PPP2R2B: variants seen among roughly 807,000 people sequenced by gnomAD.
The protein encoded by PPP2R2B is protein phosphatase 2 regulatory subunit Bbeta, also known as serine/threonine-protein phosphatase 2A 55 kDa regulatory subunit B beta isoform.
Under a neutral mutation model 46.0 loss-of-function variants are expected in PPP2R2B, and 5 were observed. The observed-to-expected ratio is 0.11, with a 90% CI of 0.06 to 0.23. The LOEUF (loss-of-function observed/expected upper bound fraction) is 0.23. Ranked by LOEUF, PPP2R2B falls within the 10% of genes least tolerant of loss-of-function variation. The pLI is 1.00. For synonymous variants in PPP2R2B, 215 were observed against 206.7 expected (o/e 1.04, Z -0.34); for missense variants, 367 against 575.0 (o/e 0.64, Z 3.70).
At position 147,008,759 on chromosome 5, in the gene PPP2R2B, C is replaced by T. The variant is rs150080805; in HGVS notation, c.79+46906G>A. On this transcript the variant is annotated intron_variant, in intron 1 of 8. Transcript: ENST00000336640. ...AGATGTTTGAGGGTTTCTATTCCCACACATCATCTTTGATAAGTTCTTTAC... is the reference window on the plus strand; with the variant it reads ...AGATGTTTGAGGGTTTCTATTCCCATACATCATCTTTGATAAGTTCTTTAC... Among the ~76,000 whole-genome samples, 1,125 of 152,274 alleles carry T rather than the reference C, an allele frequency of 7.4e-3. 12 individuals are homozygous for T. The highest frequency in any genetic ancestry group is 0.026 in the African/African-American group (1,076 of 41,560).
intron 1 of PPP2R2B, among the ~76,000 whole-genome samples, chr5:147,053,859 A>G (rs567094923): frequency 6.6e-6 from 1 of 152,310 alleles, no homozygotes; most frequent in African/African-American, 2.4e-5. Flanking sequence ...GTGACCTGGC[A>G]CTGCTTTCTT....
chr5:146,930,336 A>C (rs1028471053), intron 1 of PPP2R2B, among the ~76,000 whole-genome samples: 1 of 152,228 alleles, frequency 6.6e-6, no homozygotes, highest in Non-Finnish European at 1.5e-5. Context: ...TTAGATAAAA[A>C]GTCCATGTGG....
chr5:146,847,311 C>T (rs1760068998), intron 2 of PPP2R2B, among the ~76,000 whole-genome samples: 1 of 152,174 alleles, frequency 6.6e-6, no homozygotes, highest in East Asian at 1.9e-4. Flanking sequence ...GACTTACTTC[C>T]TCCTCTTGCC....
At chr5:146,647,127 C>T (rs1775630067) in intron 6 of PPP2R2B, among the ~76,000 whole-genome samples, 2 of 92,438 alleles carry the variant, frequency 2.2e-5, no homozygotes, top group Non-Finnish European at 4.9e-5. Flanking sequence ...TCACTATTTA[C>T]TTAATGCTTT....
intron 1 of PPP2R2B, among the ~76,000 whole-genome samples, chr5:146,887,023 T>C (rs908328893): frequency 3.3e-5 from 5 of 151,990 alleles, no homozygotes; most frequent in African/African-American, 1.2e-4. Flanking sequence ...CAAACCACAT[T>C]TGTAATTGTA....
chr5:146,641,786 A>T (rs1281414604), intron 6 of PPP2R2B, among the ~76,000 whole-genome samples: 3 of 152,200 alleles, frequency 2.0e-5, no homozygotes, highest in East Asian at 1.9e-4. Context: ...AGGAGAAAGA[A>T]GATGAGCAAT....
rs564447085 is a variant in PPP2R2B, at chr5:146,939,579, C to A, written c.79+116086G>T. Reference sequence around the variant, plus strand: ...AAGACAAACTTTTTGGTGGCCTAGGCTCCACTTTAAGGGGAAAATGCAACA... The same window carrying A: ...AAGACAAACTTTTTGGTGGCCTAGGATCCACTTTAAGGGGAAAATGCAACA... On this transcript the variant is annotated intron_variant, in intron 1 of 8. Coordinates refer to the PPP2R2B transcript ENST00000336640. Among the ~76,000 whole-genome samples, 80 of 152,296 alleles carry A rather than the reference C, an allele frequency of 5.3e-4. 1 individual carries two copies. The highest frequency in any genetic ancestry group is 8.3e-4 in the South Asian group (4 of 4,818).
Position 146,819,394 on chromosome 5 carries a change from G to C in PPP2R2B, c.70+58608C>G, listed in dbSNP as rs114604922. Among the ~76,000 whole-genome samples, 742 of 152,232 alleles carry C rather than the reference G, an allele frequency of 4.9e-3. 7 individuals carry two copies. The highest frequency in any genetic ancestry group is 0.017 in the African/African-American group (699 of 41,536). The stretch of plus-strand genomic sequence containing the variant: ...ATCATCTGGAGTAAATAGAACACTG[G>C]GGTGGGATGGGAGTATGCAGAGAGA... On this transcript the variant is annotated intron_variant, in intron 2 of 9. Coordinates refer to ENST00000394411, the MANE Select transcript of PPP2R2B (RefSeq NM_181675.4).
intron 7 of PPP2R2B, among the ~76,000 whole-genome samples, chr5:146,633,438 G>A (rs1774575813): frequency 6.6e-6 from 1 of 152,236 alleles, no homozygotes; most frequent in African/African-American, 2.4e-5. Flanking sequence ...AATATGAAAT[G>A]TCAGGCGAGG....
Position 146,921,423 on chromosome 5 carries a change from G to A in PPP2R2B, c.79+134242C>T, listed in dbSNP as rs116363433. ...AACAATTTCATCTCTCATGTGAGGT[G>A]GGACAGAGCAGTGGAGACATCCAGC... On this transcript the variant is annotated intron_variant, in intron 1 of 8. Transcript: ENST00000336640. Among the ~76,000 whole-genome samples, 806 of 152,300 alleles carry A rather than the reference G, an allele frequency of 5.3e-3. 4 individuals are homozygous for A. Among genetic ancestry groups the A allele is most frequent in the African/African-American group, 0.018 (762 of 41,558 alleles).
In PPP2R2B at chr5:146,728,138, C is replaced by CTTT. The variant is rs757396751; in HGVS notation, c.71-26999_71-26997dup. ...AATATGATGGCTAGGGAAACACTTA[C>CTTT]TTTTTTTTTTTTTTTTTTTTTTTTC... On this transcript the variant is annotated intron_variant, in intron 2 of 9. Coordinates refer to ENST00000394411, the MANE Select transcript of PPP2R2B (RefSeq NM_181675.4). Among the ~76,000 whole-genome samples, 341 of 82,480 alleles carry CTTT rather than the reference C, an allele frequency of 4.1e-3. 11 individuals carry two copies. Among genetic ancestry groups the CTTT allele is most frequent in the East Asian group, 9.5e-3 (25 of 2,634 alleles). 54.1% of individuals were successfully genotyped at this position (82,480 alleles called of 152,430 possible). A position where few individuals can be genotyped will look rare whatever the true frequency, so the allele number is the denominator to read the frequency against.
chr5:146,757,039 G>A (rs943498520), intron 2 of PPP2R2B, among the ~76,000 whole-genome samples: 4 of 152,130 alleles, frequency 2.6e-5, no homozygotes, highest in Non-Finnish European at 5.9e-5. Flanking sequence ...CTTGTTTTTA[G>A]GATGTGAAAG....
chr5:146,732,198 C>T (rs1156983815), intron 2 of PPP2R2B, among the ~76,000 whole-genome samples: 1 of 152,152 alleles, frequency 6.6e-6, no homozygotes, highest in East Asian at 1.9e-4. Context: ...TAAGTCACTC[C>T]ACATAGGGCT....
intron 1 of PPP2R2B, among the ~76,000 whole-genome samples, chr5:147,036,841 C>T (rs1447613908): frequency 6.6e-6 from 1 of 152,076 alleles, no homozygotes; most frequent in Non-Finnish European, 1.5e-5. Flanking sequence ...TTAGTAATGG[C>T]TTAATTTGTG....
intron 2 of PPP2R2B, among the ~76,000 whole-genome samples, chr5:146,708,003 A>G (rs1199499086): frequency 6.6e-6 from 1 of 152,166 alleles, no homozygotes; most frequent in Non-Finnish European, 1.5e-5. Context: ...TTTGTTTTCA[A>G]ACTGAATGAA....
intron 5 of PPP2R2B, among the ~76,000 whole-genome samples, chr5:146,682,529 T>C (rs1778245955): frequency 6.6e-6 from 1 of 152,188 alleles, no homozygotes; most frequent in South Asian, 2.1e-4. Context: ...TTAGTAGCTA[T>C]AGACATGAGC....
intron 2 of PPP2R2B, among the ~76,000 whole-genome samples, chr5:146,861,719 TC>T (rs1761013195): frequency 6.6e-6 from 1 of 152,310 alleles, no homozygotes; most frequent in South Asian, 2.1e-4. Context: ...GCCTGAGTTA[TC>T]AATATATTTT....
chr5:146,631,187 TG>T (rs1774402534), intron 7 of PPP2R2B, among the ~76,000 whole-genome samples: 1 of 152,180 alleles, frequency 6.6e-6, no homozygotes, highest in African/African-American at 2.4e-5. Flanking sequence ...CAGGGAGTTT[TG>T]ATCTTTCCTG....
At chr5:147,002,695 G>A (rs183613503) in intron 1 of PPP2R2B, among the ~76,000 whole-genome samples, 5 of 152,042 alleles carry the variant, frequency 3.3e-5, no homozygotes, top group Non-Finnish European at 7.4e-5. Context: ...CTGCTGCTGC[G>A]TCGGTGGGCG....
Sources: gnomAD v4.1 joint callset for allele counts (sites outside exome capture counted in the v4.1 genomes callset) on GRCh38, gnomAD v4.1.1 for gene constraint, MANE v1.5 for transcripts, NCBI Gene and HGNC (gene_info 2026-07-23, HGNC 2026-07-21) for gene names.